DSE: variants seen among roughly 807,000 people sequenced by gnomAD.
DSE encodes dermatan-sulfate epimerase.
A neutral mutation model predicts 84.4 loss-of-function variants in DSE; 36 were observed. The observed-to-expected ratio is 0.43, with a 90% CI of 0.33 to 0.56. The LOEUF is 0.56. Among genes scored for constraint, DSE ranks in the 20% least tolerant of loss-of-function variants. DSE has a pLI of 0.06. For synonymous variants in DSE, 410 were observed against 430.1 expected (o/e 0.95, Z 0.58); for missense variants, 862 against 1,169.6 (o/e 0.74, Z 3.84).
intron 2 of DSE, among the ~76,000 whole-genome samples, chr6:116,266,893 T>C (rs1262919408): frequency 1.3e-5 from 2 of 152,226 alleles, no homozygotes; most frequent in African/African-American, 2.4e-5. Flanking sequence ...ATGTGCCACA[T>C]AATGATGTTT....
chr6:116,334,361 G>T (rs1348058647), intron 2 of DSE, among the ~76,000 whole-genome samples: 2 of 152,124 alleles, frequency 1.3e-5, no homozygotes, highest in African/African-American at 4.8e-5. Flanking sequence ...CATTTGAAGT[G>T]ATTCCCAAAT....
At chr6:116,425,540 T>C (rs896143393) in intron 2 of DSE, among the ~76,000 whole-genome samples, 3 of 152,174 alleles carry the variant, frequency 2.0e-5, no homozygotes, top group African/African-American at 4.8e-5. Flanking sequence ...TGCAGAATAA[T>C]ATAGCTAGTC....
intron 2 of DSE, among the ~76,000 whole-genome samples, chr6:116,410,697 G>GCACT (rs1399434179): frequency 8.0e-6 from 1 of 124,514 alleles, no homozygotes; most frequent in African/African-American, 3.1e-5. Flanking sequence ...TCGCTCCACT[G>GCACT]CACTCCAGCC....
chr6:116,413,362 A>C (rs769273072), intron 2 of DSE, among the ~76,000 whole-genome samples: 4 of 152,046 alleles, frequency 2.6e-5, no homozygotes, highest in Non-Finnish European at 5.9e-5. Context: ...TAAATACAAA[A>C]TTTTTTCCAG....
intron 1 of DSE, among the ~76,000 whole-genome samples, chr6:116,394,390 G>A (rs1202357622): frequency 6.6e-6 from 1 of 152,012 alleles, no homozygotes. Flanking sequence ...ATATATACAG[G>A]CAGAGAGATG....
At chr6:116,367,457 CAA>C (rs1219271692), upstream of DSE, among the ~76,000 whole-genome samples, 2 of 152,022 alleles carry the variant, frequency 1.3e-5, no homozygotes, top group African/African-American at 2.4e-5. Flanking sequence ...GAATTAAACT[CAA>C]GAGGAGAACA....
chr6:116,359,842 T>C (rs1464458970), intron 2 of DSE, among the ~76,000 whole-genome samples: 1 of 152,218 alleles, frequency 6.6e-6, no homozygotes, highest in Non-Finnish European at 1.5e-5. Flanking sequence ...ACTCACCAAA[T>C]GGCATCTGTT....
chr6:116,254,267 G>A (rs1182884303), exon 1 of DSE: 1 of 674,676 alleles, frequency 1.5e-6, no homozygotes, highest in Non-Finnish European at 2.7e-6. Flanking sequence ...TTTTACTTAC[G>A]TAAATGGATG....
chr6:116,430,216 T>G (rs1354585217), intron 3 of DSE, among the ~76,000 whole-genome samples: 4 of 152,216 alleles, frequency 2.6e-5, no homozygotes, highest in Non-Finnish European at 4.4e-5. Flanking sequence ...TGCTGCCTTT[T>G]CAGATCCTGT....
intron 1 of DSE, among the ~76,000 whole-genome samples, chr6:116,379,677 G>A (rs147787134): frequency 1.1e-4 from 16 of 152,220 alleles, no homozygotes; most frequent in Admixed American, 1.3e-4. Context: ...CATTATCTAT[G>A]TGCTTTGTTA....
upstream of DSE, chr6:116,370,110 A>G: frequency 2.3e-6 from 1 of 430,304 alleles, no homozygotes; most frequent in Middle Eastern, 6.7e-4. Flanking sequence ...ATTTTTGGAA[A>G]ACAGGAGGAC....
intron 2 of DSE, among the ~76,000 whole-genome samples, chr6:116,284,592 T>A (rs1381545091): frequency 2.0e-5 from 3 of 151,950 alleles, no homozygotes; most frequent in Non-Finnish European, 2.9e-5. Flanking sequence ...ACTTGTGCCA[T>A]GTTGGTGTGC....
At chr6:116,376,205 A>G (rs1053032953) in intron 1 of DSE, among the ~76,000 whole-genome samples, 4 of 152,142 alleles carry the variant, frequency 2.6e-5, no homozygotes, top group Admixed American at 1.3e-4. Context: ...ACTTCTCTCT[A>G]TCTCTTCTCA....
At chr6:116,281,122 A>C (rs915172619) in intron 2 of DSE, among the ~76,000 whole-genome samples, 1 of 152,190 alleles carries the variant, frequency 6.6e-6, no homozygotes, top group African/African-American at 2.4e-5. Context: ...GTCAGAGAAG[A>C]TAAGAGGACG....
At position 116,399,400 on chromosome 6, in the gene DSE, G is replaced by A; in HGVS notation, c.150G>A (p.Arg50=). 6.2e-7 allele frequency: 1 copy of A among 1,614,130 alleles called. No homozygotes were observed. Residue 50 remains arginine (R), a synonymous_variant, in exon 2 of 6, where the codon AGG becomes AGA. Transcript: ENST00000644252. ...YDSHPMLYFS[R]AEVAELQLRA... Reference sequence around the variant, plus strand: ...GCCATCCCATGCTGTACTTCTCCAGGGCAGAAGTGGCGGAGCTGCAGCTCA... The same window carrying A: ...GCCATCCCATGCTGTACTTCTCCAGAGCAGAAGTGGCGGAGCTGCAGCTCA...
chr6:116,376,406 G>A (rs1027686737), intron 1 of DSE, among the ~76,000 whole-genome samples: 1 of 152,202 alleles, frequency 6.6e-6, no homozygotes, highest in Non-Finnish European at 1.5e-5. Flanking sequence ...GCCCAGAAGA[G>A]TATAAACCTG....
At chr6:116,433,735 T>C (rs989323416) in intron 5 of DSE, among the ~76,000 whole-genome samples, 185 bp downstream of exon 5, 1 of 152,190 alleles carries the variant, frequency 6.6e-6, no homozygotes, top group African/African-American at 2.4e-5. Context: ...TTAGAAACTT[T>C]TCTTTTTTAA....
intron 3 of DSE, among the ~76,000 whole-genome samples, chr6:116,427,693 A>T (rs1305230825): frequency 6.6e-6 from 1 of 152,212 alleles, no homozygotes; most frequent in East Asian, 1.9e-4. Flanking sequence ...TATTTTATTC[A>T]ATTCTCACAT....
At chr6:116,403,041 G>A (rs1335649866) in intron 2 of DSE, among the ~76,000 whole-genome samples, 6 of 152,140 alleles carry the variant, frequency 3.9e-5, no homozygotes, top group Non-Finnish European at 8.8e-5. Flanking sequence ...AAAGTAGAAC[G>A]GGAATCTCAT....
Sources: gnomAD v4.1 joint callset for allele counts (sites outside exome capture counted in the v4.1 genomes callset) on GRCh38, gnomAD v4.1.1 for gene constraint, MANE v1.5 for transcripts, NCBI Gene and HGNC (gene_info 2026-07-23, HGNC 2026-07-21) for gene names.